Variants in NLK observed in about 807,000 individuals in gnomAD.
NLK encodes the protein nemo like kinase, also known as serine/threonine-protein kinase NLK.
In NLK, 11 loss-of-function variants were observed where a neutral mutation model predicts 59.0. The ratio of observed to expected loss-of-function variants is 0.19; its 90% confidence interval spans 0.12 to 0.31. The LOEUF (loss-of-function observed/expected upper bound fraction) is 0.31, where lower values mean the gene tolerates loss of function less well. Among genes scored for constraint, NLK ranks in the 10% least tolerant of loss-of-function variants. The probability of loss-of-function intolerance (pLI) is 1.00; values close to 1 mark genes in which losing one functional copy is unlikely to be tolerated. For missense variants in NLK, 410 were observed against 661.1 expected, an observed-to-expected ratio of 0.62 and a Z score of 4.16; for synonymous variants, 235 against 235.9, an observed-to-expected ratio of 1.00 and a Z score of 0.03.
intron 1 of NLK, among the ~76,000 whole-genome samples, chr17:28,073,040 A>T (rs1256102698): frequency 6.6e-6 from 1 of 151,048 alleles, no homozygotes; most frequent in Non-Finnish European, 1.5e-5. Context: ...TTTTCCAGAG[A>T]TGATGTGAGT....
At chr17:28,087,800 T>C (rs1407180153) in intron 1 of NLK, among the ~76,000 whole-genome samples, 2 of 152,216 alleles carry the variant, frequency 1.3e-5, no homozygotes, top group Non-Finnish European at 2.9e-5. Context: ...TTGGATGATT[T>C]CTAAGATTCC....
intron 1 of NLK, among the ~76,000 whole-genome samples, chr17:28,107,422 G>A (rs998489509): frequency 6.6e-5 from 10 of 150,680 alleles, no homozygotes; most frequent in Non-Finnish European, 1.0e-4. Flanking sequence ...CAACGAGAGC[G>A]AAACTCTGTC....
chr17:28,161,748 A>G (rs1482906479), intron 4 of NLK, among the ~76,000 whole-genome samples: 1 of 152,198 alleles, frequency 6.6e-6, no homozygotes, highest in East Asian at 1.9e-4. Flanking sequence ...GTAGATTGGG[A>G]AGACCAATAA....
chr17:28,099,990 T>A (rs1225357243), intron 1 of NLK, among the ~76,000 whole-genome samples: 3 of 152,266 alleles, frequency 2.0e-5, no homozygotes, highest in African/African-American at 7.2e-5. Context: ...CCAACATTTA[T>A]TTGTGTGTTC....
intron 2 of NLK, among the ~76,000 whole-genome samples, chr17:28,131,983 T>C (rs1906537811): frequency 6.6e-6 from 1 of 152,210 alleles, no homozygotes; most frequent in Non-Finnish European, 1.5e-5. Context: ...CTGGCTTTTC[T>C]GTCTCTAGAA....
In NLK at chr17:28,134,200, C is replaced by A. The variant is rs1906638610; in HGVS notation, c.644+1525C>A. 2.6e-5 allele frequency among the ~76,000 whole-genome samples: 4 copies of A among 152,236 alleles called. No homozygotes were observed. The South Asian group carries it at 8.3e-4, about 32-fold the overall frequency. On this transcript the variant is annotated intron_variant, in intron 3 of 10. Coordinates refer to ENST00000407008, the MANE Select transcript of NLK (RefSeq NM_016231.5). ...ATCACTTGAGCCCAGGAGTTGAAGA[C>A]CAGCCTGGGCAACATAGCAAGGCCT...
chr17:28,109,876 G>A (rs1905386660), intron 1 of NLK, among the ~76,000 whole-genome samples: 3 of 152,302 alleles, frequency 2.0e-5, no homozygotes, highest in South Asian at 2.1e-4. Context: ...GTAAGTTTAT[G>A]TTTAACTTTT....
intron 1 of NLK, among the ~76,000 whole-genome samples, chr17:28,049,783 C>A (rs947439250): frequency 2.0e-5 from 3 of 152,128 alleles, no homozygotes; most frequent in East Asian, 3.9e-4. Context: ...GAGTTCAAGA[C>A]CCTCCTGACC....
chr17:28,133,129 G>T (rs1314455522), intron 3 of NLK, among the ~76,000 whole-genome samples: 2 of 152,168 alleles, frequency 1.3e-5, no homozygotes, highest in South Asian at 4.1e-4. Context: ...TAGAATGATG[G>T]TGGTGGTAGT....
At chr17:28,191,695 C>T (rs2611757) in intron 9 of NLK, among the ~76,000 whole-genome samples, 80,855 of 151,890 alleles carry the variant, frequency 0.53, 21,908 homozygotes, top group East Asian at 0.66. Context: ...ATTTTAGTGT[C>T]TACTGTAGGA....
At chr17:28,178,222 A>G (rs1908760984) in intron 7 of NLK, among the ~76,000 whole-genome samples, 1 of 152,158 alleles carries the variant, frequency 6.6e-6, no homozygotes, top group Admixed American at 6.5e-5. Context: ...CCTATTTCAG[A>G]CCATGTGTCC....
intron 3 of NLK, among the ~76,000 whole-genome samples, chr17:28,138,200 G>A (rs943019081): frequency 6.6e-6 from 1 of 152,142 alleles, no homozygotes; most frequent in Non-Finnish European, 1.5e-5. Flanking sequence ...CTACAGGGTT[G>A]GAAATAAAAA....
chr17:28,166,292 G>T (rs1908234008), intron 5 of NLK, among the ~76,000 whole-genome samples: 1 of 152,144 alleles, frequency 6.6e-6, no homozygotes, highest in Non-Finnish European at 1.5e-5. Context: ...TGGTTTATCT[G>T]TATAGTATGG....
chr17:28,058,912 G>C (rs1909534785), intron 1 of NLK, among the ~76,000 whole-genome samples: 1 of 152,132 alleles, frequency 6.6e-6, no homozygotes, highest in African/African-American at 2.4e-5. Context: ...GATTGCTTGA[G>C]CTCACGAGAT....
At chr17:28,110,572 A>G (rs1254845673) in intron 1 of NLK, among the ~76,000 whole-genome samples, 1 of 150,964 alleles carries the variant, frequency 6.6e-6, no homozygotes, top group Non-Finnish European at 1.5e-5. Flanking sequence ...CTTTTTCTTC[A>G]AATACTTGTT....
chr17:28,139,617 T>C (rs1469777646), intron 3 of NLK, among the ~76,000 whole-genome samples: 1 of 152,232 alleles, frequency 6.6e-6, no homozygotes, highest in East Asian at 1.9e-4. Context: ...CAAAGATGCA[T>C]TGTTCATTTA....
intron 1 of NLK, among the ~76,000 whole-genome samples, chr17:28,056,210 A>G (rs1909437690): frequency 6.6e-6 from 1 of 152,236 alleles, no homozygotes; most frequent in South Asian, 2.1e-4. Flanking sequence ...CTAACATTGC[A>G]GAATGAGATT....
intron 1 of NLK, among the ~76,000 whole-genome samples, chr17:28,099,528 A>T (rs140302441): frequency 8.6e-5 from 13 of 151,398 alleles, no homozygotes; most frequent in African/African-American, 3.2e-4. Flanking sequence ...TATATTTTCA[A>T]ATAAATGGAG....
chr17:28,149,809 A>C (rs1040873745), intron 3 of NLK, among the ~76,000 whole-genome samples: 1 of 152,194 alleles, frequency 6.6e-6, no homozygotes, highest in Non-Finnish European at 1.5e-5. Flanking sequence ...ACACCACTGC[A>C]TTTCTAGTAC....
Sources: gnomAD v4.1 joint callset for allele counts (sites outside exome capture counted in the v4.1 genomes callset) on GRCh38, gnomAD v4.1.1 for gene constraint, MANE v1.5 for transcripts, NCBI Gene and HGNC (gene_info 2026-07-23, HGNC 2026-07-21) for gene names.